PCDH9: variants seen among roughly 807,000 people sequenced by gnomAD.
PCDH9 encodes the protein protocadherin-9.
In PCDH9, 24 loss-of-function variants were observed where a neutral mutation model predicts 70.6. The observed-to-expected ratio is 0.34, with a 90% CI of 0.25 to 0.48. The LOEUF is 0.48. PCDH9 is among the 20% of genes least tolerant of loss of function. The probability of loss-of-function intolerance (pLI) is 0.99; values close to 1 mark genes in which losing one functional copy is unlikely to be tolerated. For missense variants in PCDH9, 1,281 were observed against 1,503.6 expected (o/e 0.85, Z 2.45); for synonymous variants, 562 against 558.5 (o/e 1.01, Z -0.09).
At chr13:66,916,864 A>T (rs2139634081) in intron 2 of PCDH9, among the ~76,000 whole-genome samples, 1 of 151,726 alleles carries the variant, frequency 6.6e-6, no homozygotes, top group African/African-American at 2.4e-5. Flanking sequence ...CAATAAGGGA[A>T]GCTTAACGAA....
chr13:66,760,646 T>A (rs9540902), intron 3 of PCDH9, among the ~76,000 whole-genome samples: 12,399 of 152,210 alleles, frequency 0.081, 531 homozygotes, highest in East Asian at 0.14. Context: ...GAACAGGATA[T>A]CAGCGATTTT....
At chr13:66,780,883 T>C (rs2079988423) in intron 3 of PCDH9, among the ~76,000 whole-genome samples, 1 of 152,188 alleles carries the variant, frequency 6.6e-6, no homozygotes, top group Non-Finnish European at 1.5e-5. Flanking sequence ...TTTAAAATTG[T>C]GTTTTTATTA....
At chr13:66,935,151 C>G (rs1462887291) in intron 2 of PCDH9, among the ~76,000 whole-genome samples, 1 of 152,012 alleles carries the variant, frequency 6.6e-6, no homozygotes, top group Non-Finnish European at 1.5e-5. Flanking sequence ...GCCTCGACAC[C>G]CGGGGCTCAA....
intron 2 of PCDH9, chr13:67,220,723 A>T (rs2089705865): frequency 6.6e-6 from 1 of 152,078 alleles, no homozygotes; most frequent in South Asian, 2.1e-4. Flanking sequence ...GAATATTGTC[A>T]CCACATATAC....
At chr13:66,761,170 T>A (rs905024893) in intron 3 of PCDH9, among the ~76,000 whole-genome samples, 9 of 27,836 alleles carry the variant, frequency 3.2e-4, no homozygotes, top group Non-Finnish European at 6.9e-4. Flanking sequence ...ATATCGCTAA[T>A]AAAAACTTGC....
chr13:66,772,919 A>C (rs1189017519), intron 3 of PCDH9, among the ~76,000 whole-genome samples: 2 of 152,186 alleles, frequency 1.3e-5, no homozygotes, highest in African/African-American at 4.8e-5. Context: ...CCAGAAAAAA[A>C]AAAAGTCTCA....
intron 2 of PCDH9, among the ~76,000 whole-genome samples, chr13:67,111,647 C>T (rs1022888669): frequency 6.6e-6 from 1 of 152,058 alleles, no homozygotes; most frequent in Admixed American, 6.5e-5. Context: ...ACTCATACTT[C>T]TAAAGATATA....
At chr13:66,764,375 C>T (rs920134674) in intron 3 of PCDH9, among the ~76,000 whole-genome samples, 1 of 151,832 alleles carries the variant, frequency 6.6e-6, no homozygotes, top group Non-Finnish European at 1.5e-5. Flanking sequence ...GTGACTTAGA[C>T]AGGAGTCAAC....
At chr13:66,645,682 G>T (rs899793420) in intron 3 of PCDH9, among the ~76,000 whole-genome samples, 3 of 152,100 alleles carry the variant, frequency 2.0e-5, no homozygotes, top group Non-Finnish European at 4.4e-5. Flanking sequence ...ACTCCCTAGA[G>T]CTCTTTAGTC....
chr13:67,055,869 AG>A (rs1243291936), intron 2 of PCDH9, among the ~76,000 whole-genome samples: 6 of 152,192 alleles, frequency 3.9e-5, no homozygotes, highest in Admixed American at 3.9e-4. Flanking sequence ...CAGAACACAG[AG>A]GGCCAGGGAC....
chr13:66,361,692 CTATT>C (rs1458945753), intron 4 of PCDH9, among the ~76,000 whole-genome samples: 1 of 152,094 alleles, frequency 6.6e-6, no homozygotes, highest in Non-Finnish European at 1.5e-5. Context: ...ATTCATCTAT[CTATT>C]GATCATTAAG....
intron 2 of PCDH9, among the ~76,000 whole-genome samples, chr13:67,084,966 C>CA (rs1158690945): frequency 1.2e-4 from 5 of 41,466 alleles, no homozygotes; most frequent in African/African-American, 3.1e-4. Flanking sequence ...GATGCTGTCT[C>CA]AAAAAAAAAA....
At chr13:67,095,236 G>T (rs1444318447) in intron 2 of PCDH9, among the ~76,000 whole-genome samples, 1 of 152,034 alleles carries the variant, frequency 6.6e-6, no homozygotes, top group Non-Finnish European at 1.5e-5. Flanking sequence ...TGTCCAAGGA[G>T]TATTTCAGCG....
chr13:66,806,515 CATT>C (rs138942310), intron 3 of PCDH9, among the ~76,000 whole-genome samples: 51,940 of 151,736 alleles, frequency 0.34, 9,841 homozygotes, highest in Non-Finnish European at 0.43. Flanking sequence ...TTACCTTTGT[CATT>C]GTTGTTATGG....
chr13:66,937,963 T>C lies in PCDH9; in HGVS notation c.3037-34358A>G, dbSNP rs1464570710. On this transcript the variant is annotated intron_variant, in intron 2 of 4. Coordinates refer to ENST00000377865, the MANE Select transcript of PCDH9 (RefSeq NM_203487.3). The stretch of plus-strand genomic sequence containing the variant: ...CCTTTAAGTTTAACTCAGCTTAAGT[T>C]TTTATTTTATCATGCCTAATGCCTG... 3.9e-5 allele frequency among the ~76,000 whole-genome samples: 6 copies of C among 152,230 alleles called. No individual in the cohort carries two copies. The South Asian group carries it at 1.2e-3, about 31-fold the overall frequency.
intron 3 of PCDH9, among the ~76,000 whole-genome samples, chr13:66,746,302 C>T (rs1424894242): frequency 6.6e-6 from 1 of 152,140 alleles, no homozygotes; most frequent in Non-Finnish European, 1.5e-5. Flanking sequence ...AGGAATAATA[C>T]TTGATTTGTA....
At chr13:66,764,297 T>C (rs1258479056) in intron 3 of PCDH9, among the ~76,000 whole-genome samples, 1 of 151,902 alleles carries the variant, frequency 6.6e-6, no homozygotes, top group Admixed American at 6.6e-5. Context: ...TGTCTTTATT[T>C]TAGAGAAAAT....
intron 3 of PCDH9, among the ~76,000 whole-genome samples, chr13:66,723,540 G>C (rs536534780): frequency 1.3e-5 from 2 of 152,184 alleles, no homozygotes; most frequent in African/African-American, 4.8e-5. Context: ...ATAAAGACAA[G>C]TAGCTAAGCA....
At chr13:66,380,712 T>A (rs1264678202) in intron 4 of PCDH9, among the ~76,000 whole-genome samples, 1 of 151,874 alleles carries the variant, frequency 6.6e-6, no homozygotes, top group Admixed American at 6.6e-5. Context: ...CCCGGCTAAT[T>A]TTTTGTATTT....
Sources: allele counts gnomAD v4.1 joint callset (sites outside exome capture counted in the v4.1 genomes callset), GRCh38; gene constraint gnomAD v4.1.1; transcripts MANE v1.5; gene names NCBI Gene and HGNC (gene_info 2026-07-23, HGNC 2026-07-21).